Variants in BLCAP observed in about 807,000 individuals in gnomAD.
BLCAP encodes BLCAP apoptosis inducing factor, also known as apoptosis inducing factor BLCAP.
Under a neutral mutation model 5.7 loss-of-function variants are expected in BLCAP, and 1 was observed. That is an observed-to-expected ratio of 0.18 (90% CI 0.06 to 0.83). The LOEUF (loss-of-function observed/expected upper bound fraction) is 0.83. BLCAP is among the 40% of genes least tolerant of loss of function. The probability of loss-of-function intolerance (pLI) is 0.71; values close to 1 mark genes in which losing one functional copy is unlikely to be tolerated. For missense variants in BLCAP, 66 were observed against 107.6 expected (o/e 0.61, Z 1.71); for synonymous variants, 48 against 49.4 (o/e 0.97, Z 0.11).
chr20:37,521,422 C>A lies in BLCAP; in HGVS notation c.-176-2072G>T, dbSNP rs2071565744. Reference sequence around the variant, plus strand: ...GCTGCAGGTAAGTCTGACGGGGTTTCGGGTGGGAGAGGGTTCCCAACTCGC... The same window carrying A: ...GCTGCAGGTAAGTCTGACGGGGTTTAGGGTGGGAGAGGGTTCCCAACTCGC... On this transcript the variant is annotated intron_variant, in intron 1 of 1. Coordinates refer to ENST00000373537, the MANE Select transcript of BLCAP (RefSeq NM_006698.4). This position sits in a 1 kb window ranked among gnomAD's most constrained non-coding sequence, Gnocchi z 4.5. 1.2e-6 allele frequency: 2 copies of A among 1,613,466 alleles called. No homozygotes were observed. Among genetic ancestry groups the A allele is most frequent in the African/African-American group, 2.7e-5 (2 of 75,042 alleles).
chr20:37,522,809 A>G, intron 1 of BLCAP: 1 of 1,499,564 alleles, frequency 6.7e-7, no homozygotes, highest in South Asian at 1.2e-5. Context: ...GCTCCTGTGC[A>G]TCTCGGCCAG....
rs1387728370 is a variant in BLCAP at position 37,525,460 on chromosome 20, ATCC to A, written c.-177+2330_-177+2332del. On this transcript the variant is annotated intron_variant, in intron 1 of 1. Transcript: ENST00000373537. ...CATCTTGGCAAAGCCCTTTTCCTCCATCCGTCCATCAGCAGGGCTGTGAGTGTG... is the reference window on the plus strand; with the variant it reads ...CATCTTGGCAAAGCCCTTTTCCTCCAGTCCATCAGCAGGGCTGTGAGTGTG... 2.0e-5 allele frequency among the ~76,000 whole-genome samples: 3 copies of A among 152,184 alleles called. No homozygotes were observed. In the East Asian group the frequency reaches 5.8e-4, roughly 29 times the overall value.
At position 37,521,226 on chromosome 20, in the gene BLCAP, A is replaced by C. The variant is rs1160754829; in HGVS notation, c.-176-1876T>G. ...CACTTAGGTGGCGGGCGGGTACTTA[A>C]GGCGCGGCCACCGCGGCTGCGGCAG... is the stretch of plus-strand genomic sequence containing the variant. On this transcript the variant is annotated intron_variant, in intron 1 of 1. Coordinates refer to ENST00000373537, the MANE Select transcript of BLCAP (RefSeq NM_006698.4). This position sits in a 1 kb window ranked among gnomAD's most constrained non-coding sequence, Gnocchi z 4.5. The C allele has an allele frequency of 9.2e-6, 11 of 1,197,556 alleles. No homozygotes were observed. The highest frequency in any genetic ancestry group is 9.9e-6 in the Non-Finnish European group (8 of 809,246). 74.2% of individuals were successfully genotyped at this position (1,197,556 alleles called of 1,614,324 possible).
chr20:37,522,217 G>T, intron 1 of BLCAP: 1 of 414,854 alleles, frequency 2.4e-6, no homozygotes. Context: ...TAAAAAAGAG[G>T]CAAAAGCGCT....
intron 1 of BLCAP, 39 bp from the exon 2 acceptor site, chr20:37,519,389 G>C (rs2071477803): frequency 1.1e-4 from 4 of 36,292 alleles, no homozygotes; most frequent in Non-Finnish European, 9.6e-5. Context: ...AACAGACAAA[G>C]AACAGACAGA....
intron 1 of BLCAP, 173 bp downstream of exon 1, chr20:37,527,620 A>G (rs2071747377): frequency 6.6e-6 from 1 of 152,332 alleles, no homozygotes; most frequent in African/African-American, 2.4e-5. Flanking sequence ...AGGTCCAATC[A>G]CGGCAATCAC....
chr20:37,522,198 T>TAA (rs5841264), intron 1 of BLCAP, among the ~76,000 whole-genome samples: 3,456 of 144,928 alleles, frequency 0.024, 126 homozygotes, highest in African/African-American at 0.078. Context: ...AAAATAATAA[T>TAA]AAAAAAAATA....
chr20:37,527,742 G>A (rs572882055), intron 1 of BLCAP, 51 bp downstream of exon 1: 13 of 152,410 alleles, frequency 8.5e-5, no homozygotes, highest in African/African-American at 2.9e-4. Context: ...TGGCGGCGCG[G>A]CCGCATGGAG....
At chr20:37,525,972 G>A (rs979417450) in intron 1 of BLCAP, among the ~76,000 whole-genome samples, 2 of 152,202 alleles carry the variant, frequency 1.3e-5, no homozygotes, top group African/African-American at 4.8e-5. Flanking sequence ...CAGGATGTTA[G>A]TTTCTTAGCC....
In BLCAP at chr20:37,521,280, CG is replaced by C; in HGVS notation, c.-176-1931del. The C allele has an allele frequency of 2.5e-6, 4 of 1,583,940 alleles. No individual in the cohort carries two copies. Among genetic ancestry groups the C allele is most frequent in the Non-Finnish European group, 3.5e-6 (4 of 1,152,986 alleles). On this transcript the variant is annotated intron_variant, in intron 1 of 1. Transcript: ENST00000373537. The surrounding 1 kb of genome is among the most constrained non-coding windows in gnomAD (Gnocchi z 4.5). ...GCCCAACAGCGGACTCCGAGACCAG[CG>C]GATCTCGGCAAACCCTCTTTCTCGA...
In BLCAP at chr20:37,518,779, C is replaced by A; in HGVS notation, c.*132G>T. On this transcript the variant is annotated 3_prime_UTR_variant, in exon 2 of 2. Coordinates refer to ENST00000373537, the MANE Select transcript of BLCAP (RefSeq NM_006698.4). ...TTCACATTGTAAGGATAAAACATCA[C>A]AGGCCAAAAAGGCGCCGTCAGGAAT... 1 of 1,289,716 alleles carries A rather than the reference C, an allele frequency of 7.8e-7. No individual in the cohort carries two copies. Among genetic ancestry groups the A allele is most frequent in the Non-Finnish European group, 1.1e-6 (1 of 938,464 alleles). 79.9% of individuals were successfully genotyped at this position (1,289,716 alleles called of 1,614,324 possible). A position where few individuals can be genotyped will look rare whatever the true frequency, so the allele number is the denominator to read the frequency against.
At chr20:37,520,815 T>C (rs1052384161) in intron 1 of BLCAP, among the ~76,000 whole-genome samples, 2 of 152,228 alleles carry the variant, frequency 1.3e-5, no homozygotes, top group Admixed American at 6.5e-5. Flanking sequence ...CCAAAGCTTC[T>C]GAAAGGGGCA....
At position 37,522,198 on chromosome 20, in the gene BLCAP, T is replaced by TAAA. The variant is rs5841264; in HGVS notation, c.-176-2851_-176-2849dup. ...TGCTTTACAAAAAAAAAAATAATAA[T>TAAA]AAAAAAAATAAAAAAGAGGCAAAAG... is the stretch of plus-strand genomic sequence containing the variant. On this transcript the variant is annotated intron_variant, in intron 1 of 1. Coordinates refer to ENST00000373537, the MANE Select transcript of BLCAP (RefSeq NM_006698.4). Among the ~76,000 whole-genome samples, 18 of 144,990 alleles carry TAAA rather than the reference T, an allele frequency of 1.2e-4. No individual in the cohort carries two copies. The East Asian group carries it at 2.0e-3, about 16-fold the overall frequency.
intron 1 of BLCAP, among the ~76,000 whole-genome samples, chr20:37,527,217 G>A (rs541607254): frequency 1.3e-5 from 2 of 152,248 alleles, no homozygotes; most frequent in Admixed American, 6.5e-5. Flanking sequence ...TAGAAGGAAA[G>A]GGAAGGGATG....
intron 1 of BLCAP, chr20:37,522,354 C>T (rs745804240): frequency 5.0e-6 from 8 of 1,613,244 alleles, no homozygotes; most frequent in South Asian, 1.1e-5. Flanking sequence ...ATATTTCCTT[C>T]AAGGTGTTCC....
At position 37,518,729 on chromosome 20, in the gene BLCAP, A is replaced by G. The variant is rs1171007890; in HGVS notation, c.*182T>C. On this transcript the variant is annotated 3_prime_UTR_variant, in exon 2 of 2. Coordinates refer to ENST00000373537, the MANE Select transcript of BLCAP (RefSeq NM_006698.4). ...CCACCCACGACTATAGGACTTTACA[A>G]TAAAAGCACCGGTCAGTGCCATTAT... The G allele has an allele frequency of 4.5e-6, 4 of 887,560 alleles. No homozygotes were observed. Among genetic ancestry groups the G allele is most frequent in the Non-Finnish European group, 5.0e-6 (3 of 595,414 alleles). 55.0% of individuals were successfully genotyped at this position (887,560 alleles called of 1,614,324 possible).
At chr20:37,523,070 G>A in intron 1 of BLCAP, 2 of 320,714 alleles carry the variant, frequency 6.2e-6, no homozygotes, top group Non-Finnish European at 1.1e-5. Context: ...GGACAAAGTC[G>A]GGACAGCACC....
intron 1 of BLCAP, among the ~76,000 whole-genome samples, chr20:37,519,713 G>T (rs2071505017): frequency 6.6e-6 from 1 of 152,210 alleles, no homozygotes; most frequent in Non-Finnish European, 1.5e-5. Flanking sequence ...TCCTCAAGGG[G>T]CCCAGACCTC....
At chr20:37,520,878 A>T (rs916266835) in intron 1 of BLCAP, among the ~76,000 whole-genome samples, 1 of 152,086 alleles carries the variant, frequency 6.6e-6, no homozygotes, top group Non-Finnish European at 1.5e-5. Flanking sequence ...TCGGTTTTCC[A>T]TCCATCCCCA....
Sources: allele counts gnomAD v4.1 joint callset (sites outside exome capture counted in the v4.1 genomes callset), GRCh38; gene constraint gnomAD v4.1.1; non-coding constraint Gnocchi (gnomAD v3.1); transcripts MANE v1.5; gene names NCBI Gene and HGNC (gene_info 2026-07-23, HGNC 2026-07-21).